Variants in SULF1 observed in about 807,000 individuals in gnomAD.
SULF1 encodes sulfatase 1.
In SULF1, 46 loss-of-function variants were observed where a neutral mutation model predicts 110.5. The ratio of observed to expected loss-of-function variants is 0.42; its 90% CI spans 0.33 to 0.53. The LOEUF (loss-of-function observed/expected upper bound fraction) is 0.53, where lower values mean the gene tolerates loss of function less well. SULF1 is among the 20% of genes least tolerant of loss of function. The probability of loss-of-function intolerance (pLI) is 0.12; values close to 1 mark genes in which losing one functional copy is unlikely to be tolerated. For synonymous variants in SULF1, 371 were observed against 387.1 expected (o/e 0.96, Z 0.49); for missense variants, 941 against 1,094.2 (o/e 0.86, Z 1.98).
intron 22 of SULF1, among the ~76,000 whole-genome samples, chr8:69,651,498 T>A (rs1812342932): frequency 6.6e-6 from 1 of 152,218 alleles, no homozygotes; most frequent in Non-Finnish European, 1.5e-5. Flanking sequence ...GCTTTAGGAC[T>A]GAGTTATATA....
intron 3 of SULF1, among the ~76,000 whole-genome samples, chr8:69,549,237 C>CT (rs573773637): frequency 7.1e-4 from 108 of 152,130 alleles, no homozygotes; most frequent in South Asian, 3.3e-3. Flanking sequence ...GGAGATAACC[C>CT]TTTTTTTTGT....
At chr8:69,539,910 G>T (rs1813749330) in intron 3 of SULF1, among the ~76,000 whole-genome samples, 1 of 152,172 alleles carries the variant, frequency 6.6e-6, no homozygotes, top group South Asian at 2.1e-4. Flanking sequence ...GAAAAGACAT[G>T]GTTAGGCCAG....
chr8:69,644,116 C>T (rs549599241), intron 22 of SULF1, among the ~76,000 whole-genome samples: 16 of 152,292 alleles, frequency 1.1e-4, no homozygotes, highest in African/African-American at 3.6e-4. Context: ...TCAGCAGCCA[C>T]GCTGTAACCA....
At chr8:69,640,064 T>A (rs571413020) in intron 21 of SULF1, among the ~76,000 whole-genome samples, 14 of 134,716 alleles carry the variant, frequency 1.0e-4, no homozygotes, top group South Asian at 2.3e-4. Flanking sequence ...CCTCAAATCT[T>A]ACAAAAAAAA....
intron 1 of SULF1, among the ~76,000 whole-genome samples, chr8:69,485,613 C>G (rs1459586545): frequency 6.6e-6 from 1 of 152,200 alleles, no homozygotes; most frequent in Non-Finnish European, 1.5e-5. Flanking sequence ...AGTCTCAGCA[C>G]ATCCTTATCA....
Position 69,621,075 on chromosome 8 carries a change from T to A in SULF1, c.1418T>A (p.Ile473Asn). Residue 473 changes from isoleucine to asparagine, a missense_variant, in exon 14 of 23, where the codon ATT becomes AAT. Physicochemically the swap from Ile to Asn is moderately radical, Grantham distance 149 (BLOSUM62 -3). Transcript: ENST00000402687. ...CIEDTSGKLR[I>N]HKCKGPSDLL... ...GAGGATACATCTGGCAAGCTTCGAA[T>A]TCACAAGTGTAAAGGACCCAGTGAC... 4 of 1,613,020 alleles carry A rather than the reference T, an allele frequency of 2.5e-6. No homozygotes were observed. The highest frequency in any genetic ancestry group is 3.4e-6 in the Non-Finnish European group (4 of 1,179,064).
At chr8:69,520,666 T>C (rs1490880206) in intron 3 of SULF1, among the ~76,000 whole-genome samples, 1 of 152,192 alleles carries the variant, frequency 6.6e-6, no homozygotes, top group Non-Finnish European at 1.5e-5. Flanking sequence ...ATTTCCCCCT[T>C]TGGTTTACAT....
chr8:69,506,937 A>G (rs867060552), intron 3 of SULF1, among the ~76,000 whole-genome samples: 1 of 152,208 alleles, frequency 6.6e-6, no homozygotes, highest in African/African-American at 2.4e-5. Context: ...TCAAAAGCGC[A>G]AGTTGGTATG....
intron 1 of SULF1, among the ~76,000 whole-genome samples, chr8:69,479,495 G>T (rs576525352): frequency 6.6e-6 from 1 of 152,196 alleles, no homozygotes; most frequent in South Asian, 2.1e-4. Flanking sequence ...TGAGGTAAAA[G>T]GTTTATATTA....
intron 22 of SULF1, among the ~76,000 whole-genome samples, chr8:69,650,083 C>T (rs1213361774): frequency 6.9e-6 from 1 of 143,918 alleles, no homozygotes; most frequent in Non-Finnish European, 1.5e-5. Flanking sequence ...GCAGGCTTGA[C>T]CCCCCAGGCT....
At chr8:69,632,900 C>T (rs1810690318) in intron 19 of SULF1, among the ~76,000 whole-genome samples, 1 of 151,864 alleles carries the variant, frequency 6.6e-6, no homozygotes, top group African/African-American at 2.4e-5. Context: ...GTGGTGCCCG[C>T]CTGTAGTCCC....
At chr8:69,497,582 A>C (rs1810456611) in intron 2 of SULF1, among the ~76,000 whole-genome samples, 1 of 152,220 alleles carries the variant, frequency 6.6e-6, no homozygotes, top group African/African-American at 2.4e-5. Context: ...GTATATAAAA[A>C]TGCCTCCAAT....
chr8:69,572,388 C>T (rs1805297102), intron 5 of SULF1, among the ~76,000 whole-genome samples: 1 of 152,142 alleles, frequency 6.6e-6, no homozygotes, highest in Non-Finnish European at 1.5e-5. Flanking sequence ...GCTACTAGCA[C>T]CCACCACAAA....
At chr8:69,476,361 T>C (rs1307737526) in intron 1 of SULF1, among the ~76,000 whole-genome samples, 2 of 152,194 alleles carry the variant, frequency 1.3e-5, no homozygotes, top group Admixed American at 6.5e-5. Flanking sequence ...AGGGCCATTC[T>C]CTAGTCAAGT....
chr8:69,545,958 G>A (rs1002036266), intron 3 of SULF1, among the ~76,000 whole-genome samples: 2 of 152,204 alleles, frequency 1.3e-5, no homozygotes, highest in Non-Finnish European at 2.9e-5. Flanking sequence ...GCCTCCCAAA[G>A]TGCTGAGATT....
At position 69,659,038 on chromosome 8, in the gene SULF1, G is replaced by C. The variant is rs1309260010; in HGVS notation, c.*503G>C. 1 of 457,148 alleles carries C rather than the reference G, an allele frequency of 2.2e-6. No homozygotes were observed. Among genetic ancestry groups the C allele is most frequent in the South Asian group, 1.5e-5 (1 of 64,578 alleles). The allele number at this position is 457,148 out of a possible 1,614,324, so 28.3% of individuals were successfully genotyped here. On this transcript the variant is annotated 3_prime_UTR_variant, in exon 23 of 23. Coordinates refer to ENST00000402687, the MANE Select transcript of SULF1 (RefSeq NM_001128205.2). ...CGATTTCAGTGGCGATGGCATGACA[G>C]AGCTAGAGCTCGGGCCCAGCCCCAG... is the stretch of plus-strand genomic sequence containing the variant.
At chr8:69,563,350 C>T (rs1815644861) in intron 3 of SULF1, 189 bp from the exon 4 acceptor site, 1 of 152,218 alleles carries the variant, frequency 6.6e-6, no homozygotes, top group African/African-American at 2.4e-5. Context: ...ATGAAGATAG[C>T]ATTTGAATCA....
intron 3 of SULF1, among the ~76,000 whole-genome samples, chr8:69,513,791 A>G (rs1811736535): frequency 6.6e-6 from 1 of 152,254 alleles, no homozygotes; most frequent in Non-Finnish European, 1.5e-5. Flanking sequence ...TTGGACTTCC[A>G]TCATTTCAGC....
intron 3 of SULF1, among the ~76,000 whole-genome samples, chr8:69,561,263 A>G (rs1039520079): frequency 6.6e-6 from 1 of 152,214 alleles, no homozygotes; most frequent in Non-Finnish European, 1.5e-5. Context: ...TCATTTGTCA[A>G]TAAAAATAAA....
Sources: allele counts gnomAD v4.1 joint callset (sites outside exome capture counted in the v4.1 genomes callset), GRCh38; gene constraint gnomAD v4.1.1; transcripts MANE v1.5; gene names NCBI Gene and HGNC (gene_info 2026-07-23, HGNC 2026-07-21).